Variants in ATP8B1 observed in about 807,000 individuals in gnomAD.
ATP8B1 encodes the protein phospholipid-transporting ATPase IC.
Under a neutral mutation model 149.9 loss-of-function variants are expected in ATP8B1, and 80 were observed. The observed-to-expected ratio is 0.53, with a 90% CI of 0.45 to 0.64. ATP8B1 has a LOEUF of 0.64. Ranked by LOEUF, ATP8B1 falls within the 30% of genes least tolerant of loss-of-function variation. The pLI, the probability that ATP8B1 is intolerant of heterozygous loss-of-function variation, is 0.00. For synonymous variants in ATP8B1, 536 were observed against 562.8 expected (o/e 0.95, Z 0.67); for missense variants, 1,247 against 1,552.6 (o/e 0.80, Z 3.31).
chr18:57,677,313 T>G (rs1421241193), intron 15 of ATP8B1, among the ~76,000 whole-genome samples: 2 of 152,236 alleles, frequency 1.3e-5, no homozygotes, highest in Non-Finnish European at 2.9e-5. Context: ...ATACACATGT[T>G]GTACTTCAAT....
At chr18:57,718,754 GA>G (rs2079609268) in intron 2 of ATP8B1, among the ~76,000 whole-genome samples, 1 of 152,176 alleles carries the variant, frequency 6.6e-6, no homozygotes, top group Non-Finnish European at 1.5e-5. Context: ...CATGTCAACA[GA>G]ATGAAGGGCA....
At chr18:57,656,655 A>C (rs1341365809) in intron 22 of ATP8B1, among the ~76,000 whole-genome samples, 1 of 151,732 alleles carries the variant, frequency 6.6e-6, no homozygotes, top group African/African-American at 2.4e-5. Flanking sequence ...AGGATTACAC[A>C]CATGAACAAC....
intron 1 of ATP8B1, among the ~76,000 whole-genome samples, chr18:57,785,817 T>C (rs894037293): frequency 1.3e-5 from 2 of 152,210 alleles, no homozygotes; most frequent in Non-Finnish European, 2.9e-5. Context: ...TAAGTATCTA[T>C]TTGTGTTTGT....
intron 1 of ATP8B1, among the ~76,000 whole-genome samples, chr18:57,742,339 A>AT (rs1458161311): frequency 1.3e-5 from 2 of 152,216 alleles, no homozygotes; most frequent in Non-Finnish European, 2.9e-5. Flanking sequence ...ACAGGATTAC[A>AT]TTTTTTATTT....
intron 6 of ATP8B1, 52 bp downstream of exon 6, chr18:57,700,987 G>A (rs575915992): frequency 8.7e-6 from 13 of 1,498,132 alleles, no homozygotes; most frequent in Admixed American, 1.7e-5. Flanking sequence ...GTGTTTCTAG[G>A]CAGAGTTATG....
At chr18:57,716,403 T>C (rs190710585) in intron 2 of ATP8B1, among the ~76,000 whole-genome samples, 113 of 149,480 alleles carry the variant, frequency 7.6e-4, no homozygotes, top group African/African-American at 2.7e-3. Flanking sequence ...AGATATAGAG[T>C]GGCTGAATAG....
At chr18:57,699,474 C>T (rs1166423029) in intron 6 of ATP8B1, among the ~76,000 whole-genome samples, 3 of 152,130 alleles carry the variant, frequency 2.0e-5, no homozygotes, top group Middle Eastern at 3.4e-3. Flanking sequence ...CGGTGGCTCA[C>T]GCCTGTAATC....
chr18:57,697,279 A>G (rs1304157500), intron 8 of ATP8B1, among the ~76,000 whole-genome samples: 3 of 152,144 alleles, frequency 2.0e-5, no homozygotes, highest in East Asian at 3.9e-4. Flanking sequence ...AAATAAATAA[A>G]TTGCCTATTG....
In ATP8B1 at chr18:57,783,473, G is replaced by T. The variant is rs77529573; in HGVS notation, c.-26+19525C>A. On this transcript the variant is annotated intron_variant, in intron 1 of 27. Coordinates refer to ENST00000648908, the MANE Select transcript of ATP8B1 (RefSeq NM_001374385.1). ...GGGGAATAAGAACTTTAAAAATATC[G>T]AATATGCCTGGTAGATGCTGCCTTA... is the stretch of plus-strand genomic sequence containing the variant. 8.1e-3 allele frequency among the ~76,000 whole-genome samples: 1,236 copies of T among 152,038 alleles called. 14 individuals carry two copies. Among genetic ancestry groups the T allele is most frequent in the African/African-American group, 0.027 (1,111 of 41,426 alleles).
Position 57,650,450 on chromosome 18 carries a change from T to C in ATP8B1, c.3448A>G (p.Ile1150Val). ...LRQPYIWLTI[I>V]LAVAVCLLPV... ...AGTAAGCACACAGCAACAGCCAGGATGATAGTTAACCAAATGTATGGCTGT... is the reference window on the plus strand; with the variant it reads ...AGTAAGCACACAGCAACAGCCAGGACGATAGTTAACCAAATGTATGGCTGT... The change falls in exon 27 of 28, where the codon ATC (isoleucine) becomes GTC (valine). Residue 1150 changes from isoleucine (I) to valine (V), a missense_variant. Around this residue, in one of 3 missense-constraint regions of ATP8B1, gnomAD observed 164 missense variants for 160.3 expected, o/e 1.02. Transcript: ENST00000648908. 1.9e-6 allele frequency: 3 copies of C among 1,613,992 alleles called. No homozygotes were observed. Among genetic ancestry groups the C allele is most frequent in the Non-Finnish European group, 2.5e-6 (3 of 1,179,890 alleles).
Position 57,682,293 on chromosome 18 carries a change from C to T in ATP8B1, c.1630+1743G>A, listed in dbSNP as rs188433246. Among the ~76,000 whole-genome samples the T allele has an allele frequency of 5.6e-3, 846 of 152,254 alleles. 3 individuals carry two copies. Among genetic ancestry groups the T allele is most frequent in the Non-Finnish European group, 8.2e-3 (561 of 68,012 alleles). On this transcript the variant is annotated intron_variant, in intron 15 of 27. Transcript: ENST00000648908. ...TGCTGGGATTACAGGTGTAAGCCAC[C>T]GCGCCCAGCCCTGCTGGAAGGAACT...
In ATP8B1 at chr18:57,662,463, G is replaced by GA. The variant is rs771457706; in HGVS notation, c.2418+19dup. On this transcript the variant is annotated intron_variant, in intron 21 of 27. Coordinates refer to ENST00000648908, the MANE Select transcript of ATP8B1 (RefSeq NM_001374385.1). ...TTCTTTCTTTTGAGTTAAAGGCACA[G>GA]ATACACTAATGATACGTACCAACCA... The GA allele has an allele frequency of 6.2e-7, 1 of 1,613,912 alleles. No individual in the cohort carries two copies. Among genetic ancestry groups the GA allele is most frequent in the Non-Finnish European group, 8.5e-7 (1 of 1,179,830 alleles).
Position 57,652,699 on chromosome 18 carries a change from G to A in ATP8B1, c.3046C>T (p.Pro1016Ser). ...DVSDKLSLRF[P>S]GLYIVGQRDL... is the part of the protein sequence containing the mutation. Reference sequence around the variant, plus strand: ...CTTTGTCCCACTATGTATAACCCAGGGAATCGGAGGCTCAGTTTGTCACTC... The same window carrying A: ...CTTTGTCCCACTATGTATAACCCAGAGAATCGGAGGCTCAGTTTGTCACTC... Residue 1016 changes from proline (P) to serine (S), a missense_variant, in exon 25 of 28, where the codon CCT (proline) becomes TCT (serine). This residue lies in a region of ATP8B1 where 230 missense variants were observed against 356.6 expected (regional missense o/e 0.65). Transcript: ENST00000648908. The A allele has an allele frequency of 6.2e-7, 1 of 1,614,054 alleles. No homozygotes were observed.
At chr18:57,654,842 A>G (rs1909884600) in intron 23 of ATP8B1, among the ~76,000 whole-genome samples, 1 of 151,588 alleles carries the variant, frequency 6.6e-6, no homozygotes. Context: ...GCCTGCCACC[A>G]CACCCGGAAA....
Position 57,648,609 on chromosome 18 carries a change from G to A in ATP8B1, c.3635C>T (p.Ser1212Leu). ...GAGGTCCGCGTAGCCCCGCTGGTGC[G>A]AGAAGGCGTAGGCCGAGCGCCGCGT... ...VSTRRSAYAFSHQRGYADLIS... is the reference protein window; with the variant it reads ...VSTRRSAYAFLHQRGYADLIS... The change falls in exon 28 of 28, where the codon TCG (serine) becomes TTG (leucine). Residue 1212 changes from serine (S) to leucine (L), a missense_variant. Physicochemically the swap from Ser to Leu is moderately radical, Grantham distance 145. This residue lies in a region of ATP8B1 where 164 missense variants were observed against 160.3 expected (regional missense o/e 1.02). Transcript: ENST00000648908. 1.2e-6 allele frequency: 2 copies of A among 1,610,596 alleles called. No individual in the cohort carries two copies. The highest frequency in any genetic ancestry group is 1.7e-6 in the Non-Finnish European group (2 of 1,179,518).
chr18:57,688,789 C>T, intron 12 of ATP8B1: 1 of 435,400 alleles, frequency 2.3e-6, no homozygotes. Flanking sequence ...CCCCTTCTGC[C>T]ATGCGAGGAC....
chr18:57,668,304 T>C, intron 19 of ATP8B1, 125 bp downstream of exon 19: 1 of 1,325,112 alleles, frequency 7.5e-7, no homozygotes, highest in Non-Finnish European at 1.1e-6. Context: ...AGAAAAAGCA[T>C]CTTCCGTCCA....
chr18:57,767,603 C>CA (rs1328539990), intron 1 of ATP8B1, among the ~76,000 whole-genome samples: 1 of 152,104 alleles, frequency 6.6e-6, no homozygotes, highest in Non-Finnish European at 1.5e-5. Context: ...GCCTCGCTAA[C>CA]ATGGTGAAAC....
chr18:57,676,717 C>CAAAA (rs58101846), intron 15 of ATP8B1, among the ~76,000 whole-genome samples: 51 of 92,092 alleles, frequency 5.5e-4, no homozygotes, highest in East Asian at 1.4e-3. Context: ...GACTCCATTT[C>CAAAA]AAAAAAAAAA....
Sources: gnomAD v4.1 joint callset for allele counts (sites outside exome capture counted in the v4.1 genomes callset) on GRCh38, gnomAD v4.1.1 for gene constraint, gnomAD v4.1.1 regional missense constraint, MANE v1.5 for transcripts, NCBI Gene and HGNC (gene_info 2026-07-23, HGNC 2026-07-21) for gene names.